AP2B1: variants seen among roughly 807,000 people sequenced by gnomAD.
The protein encoded by AP2B1 is AP-2 complex subunit beta.
Under a neutral mutation model 102.0 loss-of-function variants are expected in AP2B1, and 23 were observed. That is an observed-to-expected ratio of 0.23 (90% CI 0.16 to 0.32). The LOEUF (loss-of-function observed/expected upper bound fraction) is 0.32, where lower values mean the gene tolerates loss of function less well. Ranked by LOEUF, AP2B1 falls within the 10% of genes least tolerant of loss-of-function variation. The pLI is 1.00. For synonymous variants in AP2B1, 381 were observed against 421.2 expected, an observed-to-expected ratio of 0.90 and a Z score of 1.17; for missense variants, 541 against 1,157.4, an observed-to-expected ratio of 0.47 and a Z score of 7.73.
chr17:35,716,263 C>A (rs1047960950), intron 20 of AP2B1, among the ~76,000 whole-genome samples: 4 of 152,318 alleles, frequency 2.6e-5, no homozygotes, highest in South Asian at 2.1e-4. Flanking sequence ...AATAAACAGT[C>A]AACAAAGAAG....
At chr17:35,593,288 AAAAG>A (rs2073159811) in intron 1 of AP2B1, among the ~76,000 whole-genome samples, 1 of 152,190 alleles carries the variant, frequency 6.6e-6, no homozygotes, top group African/African-American at 2.4e-5. Flanking sequence ...AAAAATAACT[AAAAG>A]AATGTAATTG....
At chr17:35,638,007 TTTTG>T (rs953366832) in intron 10 of AP2B1, among the ~76,000 whole-genome samples, 2 of 151,740 alleles carry the variant, frequency 1.3e-5, no homozygotes, top group African/African-American at 4.8e-5. Flanking sequence ...TAATTAACTT[TTTTG>T]TTTGTTTGTT....
rs112193282 is a variant in AP2B1 at position 35,663,712 on chromosome 17, T to G, written c.1989+5921T>G. On this transcript the variant is annotated intron_variant, in intron 14 of 21. Coordinates refer to ENST00000610402, the MANE Select transcript of AP2B1 (RefSeq NM_001030006.2). ...AGAATATACACTGGTGTGTTACCAC[T>G]TAGAATGTAAAATTGCATGACTTTA... is the stretch of plus-strand genomic sequence containing the variant. Among the ~76,000 whole-genome samples the G allele has an allele frequency of 8.9e-3, 1,349 of 152,334 alleles. 11 individuals carry two copies. The highest frequency in any genetic ancestry group is 0.014 in the Non-Finnish European group (946 of 68,024).
chr17:35,671,326 A>T (rs1322562278), intron 15 of AP2B1, among the ~76,000 whole-genome samples: 2 of 152,196 alleles, frequency 1.3e-5, no homozygotes, highest in African/African-American at 4.8e-5. Context: ...CTAGGTATTT[A>T]TGCCTAAATG....
chr17:35,642,101 G>A (rs2074798404), intron 12 of AP2B1, 126 bp downstream of exon 12: 2 of 609,040 alleles, frequency 3.3e-6, no homozygotes, highest in Admixed American at 2.8e-5. Context: ...TTTAGATCCT[G>A]TTAAAATATT....
chr17:35,696,035 T>G (rs950421521), intron 18 of AP2B1, among the ~76,000 whole-genome samples: 2 of 152,084 alleles, frequency 1.3e-5, no homozygotes, highest in African/African-American at 4.8e-5. Flanking sequence ...CATTAACAGT[T>G]TCTAAGCAGA....
chr17:35,679,927 CT>C (rs34182919), intron 17 of AP2B1, among the ~76,000 whole-genome samples: 109,506 of 136,760 alleles, frequency 0.8, 43,659 homozygotes, highest in East Asian at 0.94. Context: ...TGTGTAAACT[CT>C]TTTTTTTTTT....
chr17:35,638,276 A>G (rs1049175256), intron 10 of AP2B1, among the ~76,000 whole-genome samples: 1 of 152,220 alleles, frequency 6.6e-6, no homozygotes, highest in Non-Finnish European at 1.5e-5. Context: ...TTAATCAGTA[A>G]AAGTAGGCAG....
chr17:35,682,821 C>T lies in AP2B1; in HGVS notation c.2451C>T (p.Leu817=). The T allele has an allele frequency of 6.2e-7, 1 of 1,610,036 alleles. No individual in the cohort carries two copies. The highest frequency in any genetic ancestry group is 8.5e-7 in the Non-Finnish European group (1 of 1,177,244). Residue 817 remains leucine (L), a synonymous_variant, in exon 18 of 22, where the codon CTC becomes CTT. Coordinates refer to ENST00000610402, the MANE Select transcript of AP2B1 (RefSeq NM_001030006.2). ...TGAAGATGGAACCTCTGAATAACCT[C>T]CAGGTCAGAGATTTACTTCACTCAG... ...PVMKMEPLNN[L]QVAVKNNIDV... is the part of the protein sequence containing the mutation.
chr17:35,695,349 G>A (rs112070340), intron 18 of AP2B1, among the ~76,000 whole-genome samples: 67 of 152,154 alleles, frequency 4.4e-4, no homozygotes, highest in Non-Finnish European at 7.9e-4. Flanking sequence ...AAATGAGGGA[G>A]CTACCCAGGA....
At chr17:35,632,659 A>G (rs371874210) in intron 9 of AP2B1, among the ~76,000 whole-genome samples, 1 of 150,034 alleles carries the variant, frequency 6.7e-6, no homozygotes, top group African/African-American at 2.5e-5. Context: ...CTTTAATGGT[A>G]GTTTTTTTTT....
intron 18 of AP2B1, among the ~76,000 whole-genome samples, chr17:35,689,304 C>T (rs959443408): frequency 1.3e-5 from 2 of 152,074 alleles, no homozygotes; most frequent in Non-Finnish European, 2.9e-5. Flanking sequence ...CTCGGCCTCC[C>T]GAGTAGCTGG....
At chr17:35,614,015 A>G (rs2073941483) in intron 5 of AP2B1, among the ~76,000 whole-genome samples, 1 of 152,100 alleles carries the variant, frequency 6.6e-6, no homozygotes, top group Non-Finnish European at 1.5e-5. Flanking sequence ...TGAGATATGC[A>G]CTTTTGAATG....
At chr17:35,604,739 C>A (rs892094518) in intron 3 of AP2B1, among the ~76,000 whole-genome samples, 1 of 151,960 alleles carries the variant, frequency 6.6e-6, no homozygotes, top group Admixed American at 6.6e-5. Flanking sequence ...GCCTGGGCGA[C>A]AGAGTGAGAC....
chr17:35,711,749 G>A (rs782490329), intron 20 of AP2B1, among the ~76,000 whole-genome samples: 6 of 152,204 alleles, frequency 3.9e-5, no homozygotes, highest in Non-Finnish European at 7.3e-5. Context: ...GGGATTACAG[G>A]CATGAGCCAC....
chr17:35,682,906 C>T, intron 18 of AP2B1, 82 bp downstream of exon 18: 1 of 1,325,164 alleles, frequency 7.5e-7, no homozygotes, highest in Non-Finnish European at 1.0e-6. Context: ...AAGACACAGT[C>T]TTACTCTGTT....
At chr17:35,646,854 G>T (rs1240427355) in intron 12 of AP2B1, among the ~76,000 whole-genome samples, 2 of 152,038 alleles carry the variant, frequency 1.3e-5, no homozygotes, top group African/African-American at 2.4e-5. Flanking sequence ...CTCCTGAAGT[G>T]CTAGGATTAC....
At chr17:35,678,249 C>G (rs1033021581) in intron 17 of AP2B1, among the ~76,000 whole-genome samples, 12 of 152,262 alleles carry the variant, frequency 7.9e-5, no homozygotes, top group African/African-American at 2.9e-4. Flanking sequence ...TTTCCTTCAA[C>G]TTTGTTAAAC....
intron 18 of AP2B1, among the ~76,000 whole-genome samples, chr17:35,697,829 G>T (rs2076169719): frequency 6.6e-6 from 1 of 152,144 alleles, no homozygotes; most frequent in South Asian, 2.1e-4. Flanking sequence ...GGGTGTAGTG[G>T]CATGCGCCTG....
Sources: gnomAD v4.1 joint callset for allele counts (sites outside exome capture counted in the v4.1 genomes callset) on GRCh38, gnomAD v4.1.1 for gene constraint, MANE v1.5 for transcripts, NCBI Gene and HGNC (gene_info 2026-07-23, HGNC 2026-07-21) for gene names.